The following HCRTR2 variants were observed in gnomAD, a reference collection of about 807,000 sequenced individuals.
HCRTR2 encodes hypocretin receptor 2.
HCRTR2 carries 22 observed loss-of-function variants against 49.0 expected under a neutral mutation model. That is an observed-to-expected ratio of 0.45 (90% CI 0.32 to 0.64). HCRTR2 has a LOEUF of 0.64. Among genes scored for constraint, HCRTR2 ranks in the 30% least tolerant of loss-of-function variants. The pLI, the probability that HCRTR2 is intolerant of heterozygous loss-of-function variation, is 0.04. For missense variants in HCRTR2, 491 were observed against 559.4 expected, an observed-to-expected ratio of 0.88 and a Z score of 1.23; for synonymous variants, 236 against 205.3, an observed-to-expected ratio of 1.15 and a Z score of -1.28.
rs1765329097 is a variant in HCRTR2, at chr6:55,192,285, G to A, written c.223+17475G>A. The stretch of plus-strand genomic sequence containing the variant: ...AAAGTAATTATTGGCTGGACATGGT[G>A]GCTCACATCTGTAATCCCAGTACTT... On this transcript the variant is annotated intron_variant, in intron 1 of 6. Transcript: ENST00000370862. Among the ~76,000 whole-genome samples the A allele has an allele frequency of 2.0e-5, 3 of 152,150 alleles. No homozygotes were observed. In the South Asian group the frequency reaches 6.2e-4, roughly 32 times the overall value.
chr6:55,281,901 A>C (rs182022916), intron 6 of HCRTR2, among the ~76,000 whole-genome samples: 2 of 152,278 alleles, frequency 1.3e-5, no homozygotes, highest in Admixed American at 1.3e-4. Flanking sequence ...GAGTTCTTCT[A>C]CTGATGATCA....
At chr6:55,208,714 T>G (rs769006082) in intron 1 of HCRTR2, among the ~76,000 whole-genome samples, 7 of 152,192 alleles carry the variant, frequency 4.6e-5, no homozygotes, top group Non-Finnish European at 7.3e-5. Flanking sequence ...CATTTTCTGC[T>G]GTGATGTGTA....
intron 1 of HCRTR2, among the ~76,000 whole-genome samples, chr6:55,126,960 G>T (rs1003821462): frequency 3.9e-5 from 6 of 152,134 alleles, no homozygotes; most frequent in Non-Finnish European, 8.8e-5. Flanking sequence ...CTGCTGCTGT[G>T]CTGGCAGCAA....
chr6:55,172,911 T>C (rs1014534731), upstream of HCRTR2, among the ~76,000 whole-genome samples: 3 of 152,168 alleles, frequency 2.0e-5, no homozygotes, highest in African/African-American at 7.2e-5. Flanking sequence ...TAAAAACTGG[T>C]TGCATCCAAA....
intron 3 of HCRTR2, among the ~76,000 whole-genome samples, chr6:55,256,540 A>C (rs1471215343): frequency 1.3e-5 from 2 of 152,162 alleles, no homozygotes; most frequent in African/African-American, 2.4e-5. Flanking sequence ...TATAATAACT[A>C]AAATTTTATA....
chr6:55,140,476 A>G (rs1339586419), intron 1 of HCRTR2, among the ~76,000 whole-genome samples: 2 of 152,166 alleles, frequency 1.3e-5, no homozygotes, highest in South Asian at 2.1e-4. Context: ...TTCTTTTCAG[A>G]AGCAAATGGA....
chr6:55,158,561 A>C (rs1764761628), intron 1 of HCRTR2, among the ~76,000 whole-genome samples: 1 of 152,118 alleles, frequency 6.6e-6, no homozygotes, highest in Non-Finnish European at 1.5e-5. Flanking sequence ...ACTGGCTTGA[A>C]ATTCTCACTG....
intron 4 of HCRTR2, among the ~76,000 whole-genome samples, chr6:55,275,256 A>G (rs958082948): frequency 6.6e-6 from 1 of 152,196 alleles, no homozygotes; most frequent in East Asian, 1.9e-4. Context: ...AAGTTTATTC[A>G]TAATAGTGAA....
At chr6:55,205,258 G>C (rs941582950) in intron 1 of HCRTR2, among the ~76,000 whole-genome samples, 3 of 152,110 alleles carry the variant, frequency 2.0e-5, no homozygotes, top group African/African-American at 7.2e-5. Context: ...CACTAGGTAG[G>C]TAAATATAGA....
At chr6:55,282,714 G>GTA, downstream of HCRTR2, 1 of 460,520 alleles carries the variant, frequency 2.2e-6, no homozygotes. Flanking sequence ...ATTAAAATGT[G>GTA]TCAATTAAAT....
At chr6:55,272,397 T>C (rs1766989720) in intron 4 of HCRTR2, among the ~76,000 whole-genome samples, 1 of 152,056 alleles carries the variant, frequency 6.6e-6, no homozygotes, top group East Asian at 1.9e-4. Flanking sequence ...TGGAGCCTCA[T>C]TTGGAGGTGA....
intron 1 of HCRTR2, among the ~76,000 whole-genome samples, chr6:55,182,440 T>G (rs1765149066): frequency 6.6e-6 from 1 of 152,184 alleles, no homozygotes; most frequent in African/African-American, 2.4e-5. Context: ...GTAAGCTGCC[T>G]TGTGGTGAGC....
intron 1 of HCRTR2, among the ~76,000 whole-genome samples, chr6:55,161,040 G>A (rs1764798594): frequency 6.6e-6 from 1 of 152,076 alleles, no homozygotes; most frequent in Non-Finnish European, 1.5e-5. Context: ...ATTATTCTCA[G>A]CACCACATTG....
intron 1 of HCRTR2, among the ~76,000 whole-genome samples, chr6:55,152,530 A>G (rs1259707734): frequency 6.6e-6 from 1 of 151,924 alleles, no homozygotes; most frequent in African/African-American, 2.4e-5. Flanking sequence ...GGGCTGCTTT[A>G]ACAAAATACT....
chr6:55,119,779 T>C (rs568106213), intron 1 of HCRTR2, among the ~76,000 whole-genome samples: 19 of 152,284 alleles, frequency 1.2e-4, no homozygotes, highest in African/African-American at 4.6e-4. Flanking sequence ...TTTAATTACA[T>C]CCCATTTGTC....
At chr6:55,163,376 T>C (rs2127263590) in intron 1 of HCRTR2, among the ~76,000 whole-genome samples, 1 of 152,264 alleles carries the variant, frequency 6.6e-6, no homozygotes, top group Admixed American at 6.5e-5. Flanking sequence ...CTTCAAATTA[T>C]GCTACAAGGC....
At chr6:55,228,881 A>C (rs974860683) in intron 1 of HCRTR2, among the ~76,000 whole-genome samples, 1 of 152,236 alleles carries the variant, frequency 6.6e-6, no homozygotes, top group Non-Finnish European at 1.5e-5. Flanking sequence ...GAAATGACTT[A>C]ACCAAAACTA....
intron 1 of HCRTR2, among the ~76,000 whole-genome samples, chr6:55,201,001 T>C (rs976207203): frequency 2.6e-5 from 4 of 152,088 alleles, no homozygotes; most frequent in Admixed American, 2.6e-4. Context: ...TAAATAAGAA[T>C]CATATCGCCT....
At chr6:55,216,558 C>A (rs3122155) in intron 1 of HCRTR2, among the ~76,000 whole-genome samples, 2,226 of 152,244 alleles carry the variant, frequency 0.015, 30 homozygotes, top group Non-Finnish European at 0.021. Context: ...CCCCAAGCAA[C>A]TCTTTAACAC....
Sources: allele counts gnomAD v4.1 joint callset (sites outside exome capture counted in the v4.1 genomes callset), GRCh38; gene constraint gnomAD v4.1.1; transcripts MANE v1.5; gene names NCBI Gene and HGNC (gene_info 2026-07-23, HGNC 2026-07-21).